SLC35F1: variants seen among roughly 807,000 people sequenced by gnomAD.
SLC35F1 encodes chromosome 6 open reading frame 169.
Under a neutral mutation model 48.7 loss-of-function variants are expected in SLC35F1, and 14 were observed. The observed-to-expected ratio is 0.29, with a 90% CI of 0.19 to 0.45. SLC35F1 has a LOEUF of 0.45. Ranked by LOEUF, SLC35F1 falls within the 20% of genes least tolerant of loss-of-function variation. The pLI, the probability that SLC35F1 is intolerant of heterozygous loss-of-function variation, is 1.00. For missense variants in SLC35F1, 404 were observed against 500.0 expected (o/e 0.81, Z 1.83); for synonymous variants, 190 against 202.2 (o/e 0.94, Z 0.51).
At chr6:117,944,116 G>A (rs560432538) in intron 1 of SLC35F1, among the ~76,000 whole-genome samples, 4 of 152,232 alleles carry the variant, frequency 2.6e-5, no homozygotes, top group Admixed American at 2.0e-4. Flanking sequence ...ATAATTTTCT[G>A]TAATTATATT....
chr6:117,961,071 G>A (rs1776491486), intron 1 of SLC35F1, among the ~76,000 whole-genome samples: 1 of 152,084 alleles, frequency 6.6e-6, no homozygotes, highest in Admixed American at 6.6e-5. Flanking sequence ...AAATCAAAAG[G>A]AGAATGTGTT....
chr6:118,068,697 T>C (rs1562279930), intron 1 of SLC35F1, among the ~76,000 whole-genome samples: 1 of 152,102 alleles, frequency 6.6e-6, no homozygotes. Flanking sequence ...AAAGGGAAAA[T>C]ATACCATTGA....
chr6:118,242,779 TAAG>T (rs1775457565), intron 3 of SLC35F1, among the ~76,000 whole-genome samples: 1 of 152,194 alleles, frequency 6.6e-6, no homozygotes, highest in African/African-American at 2.4e-5. Context: ...TTCTGTGAAA[TAAG>T]AAGAAAGTGT....
rs143042631 is a variant in SLC35F1, at chr6:118,188,410, C to T, written c.349+33790C>T. Among the ~76,000 whole-genome samples the T allele has an allele frequency of 9.2e-4, 140 of 152,140 alleles. 3 individuals are homozygous for T. In the East Asian group the frequency reaches 0.023, roughly 24 times the overall value. On this transcript the variant is annotated intron_variant, in intron 2 of 7. Transcript: ENST00000360388. Reference sequence around the variant, plus strand: ...ACTAAAAATACAAAAAGTAGCTGAGCGTGGTGGCATGCACCTGTAATCCCA... The same window carrying T: ...ACTAAAAATACAAAAAGTAGCTGAGTGTGGTGGCATGCACCTGTAATCCCA...
intron 4 of SLC35F1, among the ~76,000 whole-genome samples, chr6:118,270,907 T>G (rs890581709): frequency 9.9e-5 from 15 of 152,220 alleles, no homozygotes; most frequent in African/African-American, 3.1e-4. Context: ...AGATAAAACC[T>G]AATCAAAATA....
At chr6:118,214,738 T>C (rs1421775512) in intron 2 of SLC35F1, among the ~76,000 whole-genome samples, 1 of 152,126 alleles carries the variant, frequency 6.6e-6, no homozygotes, top group African/African-American at 2.4e-5. Context: ...TGGGAAAGCA[T>C]TCCCTGGGAT....
chr6:118,160,348 T>C (rs1420029171), intron 2 of SLC35F1, among the ~76,000 whole-genome samples: 1 of 152,240 alleles, frequency 6.6e-6, no homozygotes, highest in Non-Finnish European at 1.5e-5. Context: ...CTAAAAGCAA[T>C]TTGATGAGTA....
chr6:118,218,387 A>C (rs761662818), intron 2 of SLC35F1, among the ~76,000 whole-genome samples: 27 of 152,178 alleles, frequency 1.8e-4, no homozygotes, highest in Non-Finnish European at 3.1e-4. Flanking sequence ...CGTTGAAGTC[A>C]GATCTAAAAA....
intron 1 of SLC35F1, among the ~76,000 whole-genome samples, chr6:118,136,944 A>G (rs1024121425): frequency 2.0e-5 from 3 of 152,248 alleles, no homozygotes; most frequent in South Asian, 4.1e-4. Context: ...GAACTGGAAT[A>G]TAGATTAGGC....
At chr6:118,131,391 T>C (rs1480804180) in intron 1 of SLC35F1, among the ~76,000 whole-genome samples, 2 of 152,202 alleles carry the variant, frequency 1.3e-5, no homozygotes, top group African/African-American at 4.8e-5. Context: ...GATAGGAAGT[T>C]GCTGCCTACC....
chr6:118,291,242 T>TACACAC (rs10603708), intron 7 of SLC35F1, among the ~76,000 whole-genome samples: 36 of 148,704 alleles, frequency 2.4e-4, no homozygotes, highest in East Asian at 1.0e-3. Context: ...GTATCATGTA[T>TACACAC]ACACACACAC....
intron 2 of SLC35F1, among the ~76,000 whole-genome samples, chr6:118,227,227 C>T (rs1229020601): frequency 6.6e-6 from 1 of 152,144 alleles, no homozygotes; most frequent in East Asian, 1.9e-4. Flanking sequence ...CTGGCAGACT[C>T]GCTGTGCAAA....
chr6:117,990,168 A>C (rs920230166), intron 1 of SLC35F1, among the ~76,000 whole-genome samples: 2 of 152,204 alleles, frequency 1.3e-5, no homozygotes, highest in Non-Finnish European at 2.9e-5. Context: ...TATTAAAGGC[A>C]TCAGGTGAAG....
intron 1 of SLC35F1, among the ~76,000 whole-genome samples, chr6:118,064,993 G>A (rs1442896469): frequency 6.6e-6 from 1 of 152,180 alleles, no homozygotes; most frequent in East Asian, 1.9e-4. Flanking sequence ...AATTTGGGAT[G>A]GAGGTGGTGA....
At position 118,097,218 on chromosome 6, in the gene SLC35F1, T is replaced by C. The variant is rs556633477; in HGVS notation, c.174-57227T>C. ...CCCTCATTGGACTCCCACCTCACTT[T>C]CCACCTGCCTTTCTGGCCGCATACC... is the stretch of plus-strand genomic sequence containing the variant. On this transcript the variant is annotated intron_variant, in intron 1 of 7. Coordinates refer to ENST00000360388, the MANE Select transcript of SLC35F1 (RefSeq NM_001029858.4). Among the ~76,000 whole-genome samples, 10 of 152,300 alleles carry C rather than the reference T, an allele frequency of 6.6e-5. No individual in the cohort carries two copies. In the South Asian group the frequency reaches 2.1e-3, roughly 32 times the overall value.
At chr6:118,136,811 G>A (rs1773803965) in intron 1 of SLC35F1, among the ~76,000 whole-genome samples, 1 of 152,190 alleles carries the variant, frequency 6.6e-6, no homozygotes, top group African/African-American at 2.4e-5. Flanking sequence ...ATCTCAGATA[G>A]CATTGAGAAT....
chr6:118,150,672 T>A (rs1468642728), intron 1 of SLC35F1, among the ~76,000 whole-genome samples: 1 of 152,198 alleles, frequency 6.6e-6, no homozygotes, highest in African/African-American at 2.4e-5. Context: ...TAGTTGTAAC[T>A]CTATTCATAT....
intron 7 of SLC35F1, among the ~76,000 whole-genome samples, chr6:118,312,737 A>T (rs1044407288): frequency 7.2e-5 from 11 of 152,000 alleles, no homozygotes; most frequent in Middle Eastern, 3.4e-3. Context: ...CATTTTCAAG[A>T]CTCCCTTTCC....
intron 3 of SLC35F1, among the ~76,000 whole-genome samples, chr6:118,254,338 G>T (rs1054184452): frequency 5.3e-5 from 8 of 152,208 alleles, no homozygotes; most frequent in African/African-American, 1.9e-4. Flanking sequence ...CTGGAGTGCG[G>T]TGGTATGATC....
Sources: gnomAD v4.1 joint callset for allele counts (sites outside exome capture counted in the v4.1 genomes callset) on GRCh38, gnomAD v4.1.1 for gene constraint, MANE v1.5 for transcripts, NCBI Gene and HGNC (gene_info 2026-07-23, HGNC 2026-07-21) for gene names.